Variants in ROR1 observed in about 807,000 individuals in gnomAD.
The protein encoded by ROR1 is ROR family WNT receptor 1.
Under a neutral mutation model 78.8 loss-of-function variants are expected in ROR1, and 19 were observed. That is an observed-to-expected ratio of 0.24 (90% CI 0.17 to 0.35). The LOEUF (loss-of-function observed/expected upper bound fraction) is 0.35. ROR1 is among the 10% of genes least tolerant of loss of function. The pLI is 1.00. For missense variants in ROR1, 917 were observed against 1,177.8 expected, an observed-to-expected ratio of 0.78 and a Z score of 3.24; for synonymous variants, 386 against 433.6, an observed-to-expected ratio of 0.89 and a Z score of 1.36.
At chr1:63,871,708 T>A (rs751281935) in intron 1 of ROR1, among the ~76,000 whole-genome samples, 16 of 152,222 alleles carry the variant, frequency 1.1e-4, no homozygotes, top group Non-Finnish European at 1.9e-4. Flanking sequence ...AAACTTGATT[T>A]TGACATTGCA....
chr1:63,838,176 A>G (rs913572302), intron 1 of ROR1, among the ~76,000 whole-genome samples: 2 of 152,184 alleles, frequency 1.3e-5, no homozygotes, highest in Admixed American at 6.5e-5. Flanking sequence ...TGATAATAGT[A>G]ATAAACAACT....
intron 1 of ROR1, among the ~76,000 whole-genome samples, chr1:64,003,118 C>T (rs955249816): frequency 4.0e-5 from 6 of 151,858 alleles, no homozygotes; most frequent in Non-Finnish European, 7.3e-5. Context: ...AGACTGTTGA[C>T]GGTTGAGAAG....
intron 1 of ROR1, among the ~76,000 whole-genome samples, chr1:63,918,087 G>T (rs983346108): frequency 6.6e-6 from 1 of 152,206 alleles, no homozygotes; most frequent in Non-Finnish European, 1.5e-5. Context: ...GGCCATGCTT[G>T]TTGTTAGCCC....
At chr1:63,922,157 A>G (rs956604148) in intron 1 of ROR1, among the ~76,000 whole-genome samples, 3 of 152,188 alleles carry the variant, frequency 2.0e-5, no homozygotes, top group African/African-American at 4.8e-5. Context: ...ATTAAGAATA[A>G]AGAAAGTCTC....
intron 1 of ROR1, among the ~76,000 whole-genome samples, chr1:63,828,542 A>C (rs1644968811): frequency 6.6e-6 from 1 of 152,160 alleles, no homozygotes; most frequent in Non-Finnish European, 1.5e-5. Context: ...TTTTTCATTT[A>C]GTAGAAGGTT....
intron 1 of ROR1, among the ~76,000 whole-genome samples, chr1:63,786,373 C>T (rs993962717): frequency 6.9e-6 from 1 of 145,454 alleles, no homozygotes; most frequent in Non-Finnish European, 1.5e-5. Flanking sequence ...CCCGGGTTCA[C>T]GCCATTCTCC....
chr1:63,915,875 G>A (rs1330682193), intron 1 of ROR1, among the ~76,000 whole-genome samples: 2 of 152,094 alleles, frequency 1.3e-5, no homozygotes, highest in Admixed American at 6.5e-5. Flanking sequence ...CCTACCCAGG[G>A]AATAATTCTC....
At chr1:64,069,710 T>C (rs1569676007) in intron 4 of ROR1, among the ~76,000 whole-genome samples, 1 of 152,190 alleles carries the variant, frequency 6.6e-6, no homozygotes, top group African/African-American at 2.4e-5. Flanking sequence ...TTCATGACAA[T>C]GGGAGAAGGC....
At chr1:64,152,159 A>G (rs1192022822) in intron 7 of ROR1, among the ~76,000 whole-genome samples, 5 of 152,226 alleles carry the variant, frequency 3.3e-5, no homozygotes, top group Non-Finnish European at 7.3e-5. Context: ...TAAAAAACCT[A>G]ATAAAGAACA....
rs200974515 is a variant in ROR1 at position 63,954,940 on chromosome 1, A to G, written c.92-54365A>G. The stretch of plus-strand genomic sequence containing the variant: ...GAAAGACCTAAGAAGTTAACGAAAA[A>G]CATGGAAGATAGACAAGTAGGCAAA... On this transcript the variant is annotated intron_variant, in intron 1 of 8. Coordinates refer to ENST00000371079, the MANE Select transcript of ROR1 (RefSeq NM_005012.4). Among the ~76,000 whole-genome samples, 18 of 152,280 alleles carry G rather than the reference A, an allele frequency of 1.2e-4. No individual in the cohort carries two copies. In the East Asian group the frequency reaches 3.5e-3, roughly 29 times the overall value.
chr1:64,048,038 G>A (rs1646798005), intron 2 of ROR1, among the ~76,000 whole-genome samples: 1 of 152,154 alleles, frequency 6.6e-6, no homozygotes, highest in Admixed American at 6.5e-5. Flanking sequence ...CTGAATTTGG[G>A]GGGACGGAAA....
chr1:63,915,197 G>T lies in ROR1; in HGVS notation c.92-94108G>T, dbSNP rs1386562554. The stretch of plus-strand genomic sequence containing the variant: ...AAGTGGCAAAGTTACATTAAACCCA[G>T]TTCTGACTCCACCATCTCAACCCAT... On this transcript the variant is annotated intron_variant, in intron 1 of 8. Transcript: ENST00000371079. Among the ~76,000 whole-genome samples, 7 of 152,300 alleles carry T rather than the reference G, an allele frequency of 4.6e-5. No individual in the cohort carries two copies. The East Asian group carries it at 1.4e-3, about 29-fold the overall frequency.
rs1041300075 is a variant in ROR1, at chr1:63,903,128, A to G, written c.92-106177A>G. Among the ~76,000 whole-genome samples, 4 of 152,296 alleles carry G rather than the reference A, an allele frequency of 2.6e-5. No individual in the cohort carries two copies. In the East Asian group the frequency reaches 7.7e-4, roughly 29 times the overall value. Reference sequence around the variant, plus strand: ...TTAGCTGAGCACATTGTTGCCCCCAATAAAATCAGGGTTCTGTTAAGATAA... The same window carrying G: ...TTAGCTGAGCACATTGTTGCCCCCAGTAAAATCAGGGTTCTGTTAAGATAA... On this transcript the variant is annotated intron_variant, in intron 1 of 8. Coordinates refer to ENST00000371079, the MANE Select transcript of ROR1 (RefSeq NM_005012.4).
intron 1 of ROR1, among the ~76,000 whole-genome samples, chr1:63,995,023 A>G (rs1157374795): frequency 6.6e-6 from 1 of 152,190 alleles, no homozygotes; most frequent in African/African-American, 2.4e-5. Context: ...CATTTTTGTG[A>G]AAGTTCCTAT....
chr1:63,874,309 C>G (rs1645269689), intron 1 of ROR1, among the ~76,000 whole-genome samples: 1 of 151,954 alleles, frequency 6.6e-6, no homozygotes, highest in Non-Finnish European at 1.5e-5. Flanking sequence ...CCATTTAAGA[C>G]TTTTTTTTCC....
At chr1:64,095,716 A>G (rs548258215) in intron 4 of ROR1, among the ~76,000 whole-genome samples, 2 of 152,318 alleles carry the variant, frequency 1.3e-5, no homozygotes, top group South Asian at 4.1e-4. Context: ...GAATTATTAG[A>G]AATTAGACAT....
intron 1 of ROR1, among the ~76,000 whole-genome samples, chr1:63,783,065 G>A (rs1644662703): frequency 6.6e-6 from 1 of 152,184 alleles, no homozygotes; most frequent in African/African-American, 2.4e-5. Flanking sequence ...TGCTCTGGGG[G>A]TCTCCATGGA....
At chr1:63,796,741 A>G (rs1369410345) in intron 1 of ROR1, among the ~76,000 whole-genome samples, 1 of 152,126 alleles carries the variant, frequency 6.6e-6, no homozygotes, top group East Asian at 1.9e-4. Context: ...TTGGGCCTTG[A>G]CAGTGTGGTA....
intron 1 of ROR1, among the ~76,000 whole-genome samples, chr1:63,887,140 G>T (rs961935416): frequency 1.3e-5 from 2 of 152,098 alleles, no homozygotes. Flanking sequence ...ACCTTTGAGG[G>T]ACAAAGGGGC....
Sources: gnomAD v4.1 joint callset for allele counts (sites outside exome capture counted in the v4.1 genomes callset) on GRCh38, gnomAD v4.1.1 for gene constraint, MANE v1.5 for transcripts, NCBI Gene and HGNC (gene_info 2026-07-23, HGNC 2026-07-21) for gene names.